Variants in AFF4 observed in about 807,000 individuals in gnomAD.
AFF4 encodes ALF transcription elongation factor 4.
In AFF4, 13 loss-of-function variants were observed where a neutral mutation model predicts 124.8. The ratio of observed to expected loss-of-function variants is 0.10; its 90% CI spans 0.07 to 0.17. The LOEUF is 0.17. Ranked by LOEUF, AFF4 falls within the 10% of genes least tolerant of loss-of-function variation. The probability of loss-of-function intolerance (pLI) is 1.00; values close to 1 mark genes in which losing one functional copy is unlikely to be tolerated. For synonymous variants in AFF4, 477 were observed against 496.1 expected (o/e 0.96, Z 0.51); for missense variants, 1,092 against 1,403.8 (o/e 0.78, Z 3.55).
chr5:132,892,786 TC>T (rs1414531218), intron 12 of AFF4, among the ~76,000 whole-genome samples: 1 of 151,930 alleles, frequency 6.6e-6, no homozygotes, highest in African/African-American at 2.4e-5. Flanking sequence ...ACTTTAATTC[TC>T]CCCCCATACT....
At chr5:132,960,529 C>G (rs1762058714) in intron 1 of AFF4, among the ~76,000 whole-genome samples, 1 of 152,166 alleles carries the variant, frequency 6.6e-6, no homozygotes, top group Non-Finnish European at 1.5e-5. Context: ...CTCAGGTACA[C>G]ATAAAACTAC....
At chr5:132,887,060 GTCT>G (rs1263441419) in intron 17 of AFF4, among the ~76,000 whole-genome samples, 5 of 152,190 alleles carry the variant, frequency 3.3e-5, no homozygotes, top group South Asian at 4.1e-4. Context: ...GGCTGTGTTA[GTCT>G]TCTTCTTAGC....
chr5:132,922,583 C>G (rs961545946), intron 5 of AFF4, among the ~76,000 whole-genome samples: 11 of 151,272 alleles, frequency 7.3e-5, no homozygotes, highest in African/African-American at 2.7e-4. Flanking sequence ...AGATCAAGAC[C>G]ATCCTGGCCA....
chr5:132,921,037 G>A (rs1761031141), intron 5 of AFF4, among the ~76,000 whole-genome samples: 1 of 151,358 alleles, frequency 6.6e-6, no homozygotes, highest in Admixed American at 6.6e-5. Flanking sequence ...CGAGGCAGGA[G>A]AATGGTGTGA....
intron 1 of AFF4, among the ~76,000 whole-genome samples, chr5:132,952,619 C>T (rs1023344430): frequency 5.3e-5 from 8 of 152,108 alleles, no homozygotes; most frequent in African/African-American, 1.4e-4. Context: ...TGTGGCCAGG[C>T]GCGGTGGCTC....
At chr5:132,891,543 T>C (rs1373276923) in intron 13 of AFF4, among the ~76,000 whole-genome samples, 1 of 152,184 alleles carries the variant, frequency 6.6e-6, no homozygotes, top group Non-Finnish European at 1.5e-5. Flanking sequence ...CTCCCCTGCA[T>C]TGTGAGTATC....
At chr5:132,888,701 AT>A (rs923070134) in intron 14 of AFF4, among the ~76,000 whole-genome samples, 238 of 146,106 alleles carry the variant, frequency 1.6e-3, no homozygotes, top group Middle Eastern at 3.6e-3. Flanking sequence ...TCAATGATAG[AT>A]TTTTTTTTTT....
intron 14 of AFF4, 149 bp from the exon 15 acceptor site, chr5:132,888,309 G>A (rs963931993): frequency 1.5e-6 from 1 of 646,116 alleles, no homozygotes; most frequent in Non-Finnish European, 2.5e-6. Flanking sequence ...TCTGACAAAT[G>A]TTTATATCAG....
At chr5:132,963,122 G>C (rs970955119) in intron 1 of AFF4, 137 bp downstream of exon 1, 1 of 338,726 alleles carries the variant, frequency 3.0e-6, no homozygotes, top group Non-Finnish European at 5.3e-6. Flanking sequence ...GAGGGGTGAC[G>C]CCTGATTGAG....
rs754592359 is a variant in AFF4, at chr5:132,887,981, G to A, written c.2798C>T (p.Ser933Phe). ...GTATACAGCTTTCTCAAACCTATCA[G>A]ACTGAAGAAAGGAGAATGCAAGTAA... The part of the protein sequence containing the change: ...KKLKHNADAL[S>F]DRFEKAVYYL... Residue 933 changes from serine to phenylalanine, a missense_variant and splice_region_variant, in exon 16 of 21, where the codon TCT (serine) becomes TTT (phenylalanine). By Grantham distance (155) the Ser-to-Phe change is radical (BLOSUM62 -2). Around this residue, in one of 11 missense-constraint regions of AFF4, gnomAD observed 173 missense variants for 294.9 expected, o/e 0.59. Coordinates refer to ENST00000265343, the MANE Select transcript of AFF4 (RefSeq NM_014423.4). The A allele has an allele frequency of 6.2e-7, 1 of 1,613,194 alleles. No homozygotes were observed. Among genetic ancestry groups the A allele is most frequent in the South Asian group, 1.1e-5 (1 of 90,928 alleles).
chr5:132,934,734 C>G lies in AFF4; in HGVS notation c.331G>C (p.Val111Leu). The stretch of plus-strand genomic sequence containing the variant: ...TGAGAAGTGCTGGGTGCGGGTCCTA[C>G]TGGAGTCCATTTGCTACTCTGATGA... ...GSHQSSKWTP[V>L]GPAPSTSQSQ... Residue 111 changes from valine to leucine, a missense_variant, in exon 3 of 21, where the codon GTA (valine) becomes CTA (leucine). This residue lies in a region of AFF4 where 188 missense variants were observed against 203.0 expected (regional missense o/e 0.93). Coordinates refer to ENST00000265343, the MANE Select transcript of AFF4 (RefSeq NM_014423.4). The G allele has an allele frequency of 6.2e-7, 1 of 1,614,144 alleles. No individual in the cohort carries two copies. Among genetic ancestry groups the G allele is most frequent in the African/African-American group, 1.3e-5 (1 of 75,016 alleles).
intron 14 of AFF4, 150 bp downstream of exon 14, chr5:132,888,929 C>T (rs1760186314): frequency 1.5e-5 from 10 of 646,774 alleles, no homozygotes; most frequent in Non-Finnish European, 2.7e-5. Context: ...AACTCCTGAC[C>T]TCGTGATCTG....
chr5:132,939,136 G>C (rs1209949826), intron 1 of AFF4, among the ~76,000 whole-genome samples: 2 of 149,276 alleles, frequency 1.3e-5, no homozygotes, highest in African/African-American at 4.9e-5. Context: ...AGAATCACTT[G>C]AATCCAGGAG....
intron 5 of AFF4, among the ~76,000 whole-genome samples, chr5:132,916,189 A>G (rs1048407879): frequency 1.4e-5 from 2 of 138,144 alleles, no homozygotes; most frequent in East Asian, 2.4e-4. Context: ...CAATGAGCTG[A>G]TATCATGCCA....
At chr5:132,949,714 G>C (rs930579408) in intron 1 of AFF4, among the ~76,000 whole-genome samples, 2 of 151,358 alleles carry the variant, frequency 1.3e-5, no homozygotes, top group African/African-American at 2.4e-5. Flanking sequence ...GCGCGCGCGC[G>C]CGCCAGGCGT....
chr5:132,924,534 T>C (rs1419913239), intron 5 of AFF4, among the ~76,000 whole-genome samples: 1 of 152,074 alleles, frequency 6.6e-6, no homozygotes, highest in Non-Finnish European at 1.5e-5. Flanking sequence ...TGGTGGTGGT[T>C]ATACAGGTGC....
At chr5:132,952,422 T>C (rs748489319) in intron 1 of AFF4, among the ~76,000 whole-genome samples, 1 of 152,220 alleles carries the variant, frequency 6.6e-6, no homozygotes, top group Non-Finnish European at 1.5e-5. Context: ...CAGCCACTTA[T>C]CTCTCCTTGA....
intron 13 of AFF4, among the ~76,000 whole-genome samples, chr5:132,890,346 T>A (rs56927472): frequency 0.12 from 17,492 of 151,992 alleles, 1,274 homozygotes; most frequent in South Asian, 0.2. Flanking sequence ...CATGGCTCAC[T>A]GTGGCTTCAA....
intron 5 of AFF4, among the ~76,000 whole-genome samples, chr5:132,910,902 GAGTA>G (rs1389367628): frequency 6.6e-6 from 1 of 152,162 alleles, no homozygotes; most frequent in East Asian, 1.9e-4. Flanking sequence ...CAAACATGGT[GAGTA>G]AGTGCAAAGG....
Sources: gnomAD v4.1 joint callset for allele counts (sites outside exome capture counted in the v4.1 genomes callset) on GRCh38, gnomAD v4.1.1 for gene constraint, gnomAD v4.1.1 regional missense constraint, MANE v1.5 for transcripts, NCBI Gene and HGNC (gene_info 2026-07-23, HGNC 2026-07-21) for gene names.